The following SUSD5 variants were observed in gnomAD, a reference collection of about 807,000 sequenced individuals.
SUSD5 encodes the protein sushi domain-containing protein 5.
Under a neutral mutation model 29.5 loss-of-function variants are expected in SUSD5, and 33 were observed. That is an observed-to-expected ratio of 1.12 (90% confidence interval 0.85 to 1.49). SUSD5 has a LOEUF of 1.49. Among genes scored for constraint, SUSD5 ranks in the 40% most tolerant of loss-of-function variants. The pLI, the probability that SUSD5 is intolerant of heterozygous loss-of-function variation, is 0.00. For missense variants in SUSD5, 776 were observed against 800.6 expected (o/e 0.97, Z 0.37); for synonymous variants, 308 against 325.3 (o/e 0.95, Z 0.57).
intron 3 of SUSD5, among the ~76,000 whole-genome samples, chr3:33,197,138 G>A (rs1341111388): frequency 6.6e-6 from 1 of 152,134 alleles, no homozygotes; most frequent in Non-Finnish European, 1.5e-5. Flanking sequence ...AAAAGTGGTG[G>A]AGATGTTTGC....
intron 3 of SUSD5, among the ~76,000 whole-genome samples, chr3:33,202,661 CT>C (rs973702273): frequency 8.5e-5 from 13 of 152,328 alleles, no homozygotes; most frequent in Admixed American, 8.5e-4. Flanking sequence ...CACAGACAAG[CT>C]GCCAAGAGAA....
At chr3:33,194,035 AC>A (rs1304152509) in intron 3 of SUSD5, among the ~76,000 whole-genome samples, 1 of 152,076 alleles carries the variant, frequency 6.6e-6, no homozygotes, top group Non-Finnish European at 1.5e-5. Flanking sequence ...GTATTGTAAA[AC>A]CTAAGATTGG....
At position 33,152,994 on chromosome 3, in the gene SUSD5, G is replaced by A. The variant is rs771531638; in HGVS notation, c.1638C>T (p.Gly546=). The part of the protein sequence containing the change: ...LLSEDFFGQE[G]PGPGASEELH... ...GCTCCTCACTTGCACCTGGCCCGGG[G>A]CCTTCCTGTCCAAAGAAGTCTTCAG... Residue 546 remains glycine (G), a synonymous_variant, in exon 5 of 5, where the codon GGC becomes GGT. Coordinates refer to ENST00000309558, the MANE Select transcript of SUSD5 (RefSeq NM_015551.2). 5.0e-6 allele frequency: 8 copies of A among 1,613,734 alleles called. No individual in the cohort carries two copies. In the Admixed American group the frequency reaches 1.3e-4, roughly 27 times the overall value.
chr3:33,201,728 A>T (rs2032120862), intron 3 of SUSD5, among the ~76,000 whole-genome samples: 2 of 152,104 alleles, frequency 1.3e-5, no homozygotes, highest in Non-Finnish European at 2.9e-5. Flanking sequence ...CAGCTACTCA[A>T]GCCCCCAAGC....
At chr3:33,180,198 A>G (rs1282803258) in intron 3 of SUSD5, among the ~76,000 whole-genome samples, 2 of 152,200 alleles carry the variant, frequency 1.3e-5, no homozygotes, top group Non-Finnish European at 2.9e-5. Flanking sequence ...AGGCATTGTT[A>G]TAATAGGAGA....
chr3:33,182,449 T>C (rs7634210), intron 3 of SUSD5, among the ~76,000 whole-genome samples: 2 of 152,036 alleles, frequency 1.3e-5, no homozygotes, highest in Non-Finnish European at 2.9e-5. Flanking sequence ...GTTAACTAAA[T>C]TGGCTGTCAA....
At chr3:33,193,232 T>C (rs550853408) in intron 3 of SUSD5, among the ~76,000 whole-genome samples, 4 of 152,266 alleles carry the variant, frequency 2.6e-5, no homozygotes, top group African/African-American at 9.6e-5. Flanking sequence ...GAAAATAACA[T>C]GATCCCCTTG....
At chr3:33,192,249 CTT>C (rs1159569946) in intron 3 of SUSD5, among the ~76,000 whole-genome samples, 2 of 131,902 alleles carry the variant, frequency 1.5e-5, no homozygotes, top group African/African-American at 2.8e-5. Flanking sequence ...AATTTTTTTT[CTT>C]TTTTTTTTTT....
chr3:33,159,063 T>G lies in SUSD5; in HGVS notation c.599-5030A>C, dbSNP rs567263568. Among the ~76,000 whole-genome samples the G allele has an allele frequency of 4.6e-5, 7 of 152,242 alleles. No individual in the cohort carries two copies. In the East Asian group the frequency reaches 1.2e-3, roughly 25 times the overall value. On this transcript the variant is annotated intron_variant, in intron 4 of 4. Transcript: ENST00000309558. The stretch of plus-strand genomic sequence containing the variant: ...AGGTCATCAACTATAGCTCACTGAC[T>G]GTTGGGAGTAAACAAGCTGTTTGTG...
In SUSD5 at chr3:33,152,781, A is replaced by C. The variant is rs2030931928; in HGVS notation, c.1851T>G (p.Ala617=). 6.8e-6 allele frequency: 11 copies of C among 1,613,442 alleles called. No individual in the cohort carries two copies. Among genetic ancestry groups the C allele is most frequent in the African/African-American group, 1.3e-5 (1 of 74,888 alleles). ...TCTCGATCTGCTGGTGGTAGTGCCG[A>C]GCCTGCCGCTGGCCAACATTCAGCT... ...VYKLNVGQRQ[A]RHYHQQIEME... Residue 617 remains alanine, a synonymous_variant, in exon 5 of 5, where the codon GCT becomes GCG. Coordinates refer to ENST00000309558, the MANE Select transcript of SUSD5 (RefSeq NM_015551.2).
At position 33,151,137 on chromosome 3, in the gene SUSD5, T is replaced by C. The variant is rs987856504; in HGVS notation, c.*1605A>G. On this transcript the variant is annotated 3_prime_UTR_variant, in exon 5 of 5. Coordinates refer to ENST00000309558, the MANE Select transcript of SUSD5 (RefSeq NM_015551.2). Reference sequence around the variant, plus strand: ...TCGAAGTTCACATTTGAGATTATTATAAACCAACAGGCTCTCAAACTTGAG... The same window carrying C: ...TCGAAGTTCACATTTGAGATTATTACAAACCAACAGGCTCTCAAACTTGAG... 6.6e-6 allele frequency: 1 copy of C among 152,180 alleles called. No homozygotes were observed. The highest frequency in any genetic ancestry group is 2.1e-4 in the South Asian group (1 of 4,830). The allele number at this position is 152,180 out of a possible 1,614,324, so 9.4% of individuals were successfully genotyped here. A position where few individuals can be genotyped will look rare whatever the true frequency, so the allele number is the denominator to read the frequency against.
At chr3:33,186,310 A>G (rs950604329) in intron 3 of SUSD5, among the ~76,000 whole-genome samples, 28 of 152,142 alleles carry the variant, frequency 1.8e-4, no homozygotes, top group African/African-American at 6.8e-4. Flanking sequence ...TCAAAAGAAA[A>G]AAAAAAGAAG....
intron 3 of SUSD5, among the ~76,000 whole-genome samples, chr3:33,186,334 T>C (rs1386992115): frequency 1.3e-5 from 2 of 150,938 alleles, no homozygotes; most frequent in Non-Finnish European, 3.0e-5. Flanking sequence ...GACTGAGAAA[T>C]GATGAAAATA....
At chr3:33,214,469 C>G (rs962088899) in intron 1 of SUSD5, among the ~76,000 whole-genome samples, 1 of 152,122 alleles carries the variant, frequency 6.6e-6, no homozygotes, top group Non-Finnish European at 1.5e-5. Context: ...ATGACTAAGG[C>G]ACTGATTTAG....
intron 2 of SUSD5, among the ~76,000 whole-genome samples, chr3:33,210,516 A>G (rs1209922536): frequency 1.3e-5 from 2 of 152,248 alleles, no homozygotes; most frequent in Non-Finnish European, 2.9e-5. Flanking sequence ...GTCTGAATTC[A>G]TCATTCTAGG....
chr3:33,199,965 G>C lies in SUSD5; in HGVS notation c.409+7843C>G, dbSNP rs149645587. Among the ~76,000 whole-genome samples, 1,343 of 152,274 alleles carry C rather than the reference G, an allele frequency of 8.8e-3. 17 individuals are homozygous for C. Among genetic ancestry groups the C allele is most frequent in the Middle Eastern group, 0.034 (10 of 294 alleles). On this transcript the variant is annotated intron_variant, in intron 3 of 4. Transcript: ENST00000309558. The stretch of plus-strand genomic sequence containing the variant: ...TTTCTGCCATGTAAAGAAGGCTCTT[G>C]CTAGATGCTGGCACCTTGATATTGG...
chr3:33,188,908 C>T (rs1307175848), intron 3 of SUSD5, among the ~76,000 whole-genome samples: 2 of 152,060 alleles, frequency 1.3e-5, no homozygotes, highest in Non-Finnish European at 2.9e-5. Flanking sequence ...TTAAAAAATA[C>T]CTCCCCTTAG....
intron 1 of SUSD5, among the ~76,000 whole-genome samples, chr3:33,217,614 T>G (rs1344381318): frequency 6.6e-6 from 1 of 152,124 alleles, no homozygotes; most frequent in Admixed American, 6.5e-5. Context: ...AAGCCTGCAC[T>G]TAAAACAGAG....
At chr3:33,182,853 C>T (rs562076237) in intron 3 of SUSD5, among the ~76,000 whole-genome samples, 1 of 151,716 alleles carries the variant, frequency 6.6e-6, no homozygotes, top group South Asian at 2.1e-4. Flanking sequence ...GTGGTGTGAT[C>T]TCGGCTCACT....
Sources: allele counts gnomAD v4.1 joint callset (sites outside exome capture counted in the v4.1 genomes callset), GRCh38; gene constraint gnomAD v4.1.1; transcripts MANE v1.5; gene names NCBI Gene and HGNC (gene_info 2026-07-23, HGNC 2026-07-21).